TARBP1: variants seen among roughly 807,000 people sequenced by gnomAD.
TARBP1 encodes tRNA guanosine 2 -O-methyltransferase TARBP1, also known as tRNA (guanosine(18)-2'-O)-methyltransferase TARBP1.
TARBP1 carries 144 observed loss-of-function variants against 178.6 expected under a neutral mutation model. That is an observed-to-expected ratio of 0.81 (90% confidence interval 0.70 to 0.93). The LOEUF is 0.93. Among genes scored for constraint, TARBP1 ranks in the 40% least tolerant of loss-of-function variants. The probability of loss-of-function intolerance (pLI) is 0.00; values close to 1 mark genes in which losing one functional copy is unlikely to be tolerated. For missense variants in TARBP1, 2,067 were observed against 2,011.7 expected, an observed-to-expected ratio of 1.03 and a Z score of -0.53; for synonymous variants, 787 against 781.0, an observed-to-expected ratio of 1.01 and a Z score of -0.13.
At chr1:234,425,550 A>T in intron 20 of TARBP1, 123 bp downstream of exon 20, 1 of 1,068,978 alleles carries the variant, frequency 9.4e-7, no homozygotes, top group Non-Finnish European at 1.4e-6. Flanking sequence ...AAAATACAGA[A>T]CATAAACTTT....
At chr1:234,425,877 A>G in intron 19 of TARBP1, 84 bp from the exon 20 acceptor site, 1 of 1,129,870 alleles carries the variant, frequency 8.9e-7, no homozygotes. Flanking sequence ...ATATCATTAC[A>G]CGATCAAAAC....
chr1:234,402,624 G>C (rs1450590507), intron 24 of TARBP1, among the ~76,000 whole-genome samples: 1 of 151,970 alleles, frequency 6.6e-6, no homozygotes, highest in Non-Finnish European at 1.5e-5. Flanking sequence ...TGCCAGGCTG[G>C]AGTGCAGTGG....
chr1:234,423,367 C>T (rs763439955), intron 20 of TARBP1, among the ~76,000 whole-genome samples: 18 of 152,206 alleles, frequency 1.2e-4, no homozygotes, highest in Admixed American at 3.3e-4. Context: ...AACATACAAA[C>T]ATGCTCCAAT....
chr1:234,416,672 T>C (rs2103083029), intron 22 of TARBP1, among the ~76,000 whole-genome samples: 1 of 152,306 alleles, frequency 6.6e-6, no homozygotes, highest in Middle Eastern at 3.4e-3. Flanking sequence ...AACTCCAACC[T>C]GTCTTTGAGG....
intron 9 of TARBP1, among the ~76,000 whole-genome samples, chr1:234,456,083 G>A (rs1667244300): frequency 6.6e-6 from 1 of 152,170 alleles, no homozygotes; most frequent in Non-Finnish European, 1.5e-5. Context: ...GTCATACTTT[G>A]AAACCTCTCT....
chr1:234,471,053 C>T (rs6694349), intron 3 of TARBP1, 135 bp downstream of exon 3: 62,845 of 655,852 alleles, frequency 0.096, 3,957 homozygotes, highest in African/African-American at 0.26. Flanking sequence ...TTGGTGGCAG[C>T]ATTACAAGAT....
chr1:234,465,617 T>C, intron 5 of TARBP1, 39 bp downstream of exon 5: 2 of 1,511,326 alleles, frequency 1.3e-6, no homozygotes, highest in Non-Finnish European at 8.8e-7. Context: ...TAACATGAAA[T>C]GTATGTATCA....
chr1:234,427,827 T>C, intron 17 of TARBP1, 61 bp from the exon 18 acceptor site: 1 of 1,196,336 alleles, frequency 8.4e-7, no homozygotes, highest in Non-Finnish European at 1.1e-6. Context: ...TCAGTGCTGC[T>C]AAAAACTGTT....
chr1:234,440,846 G>A (rs1001165293), intron 12 of TARBP1, among the ~76,000 whole-genome samples: 1 of 152,128 alleles, frequency 6.6e-6, no homozygotes, highest in African/African-American at 2.4e-5. Context: ...TCTATACGCT[G>A]AAAACTGTAA....
At chr1:234,443,221 CA>C (rs917098050) in intron 12 of TARBP1, among the ~76,000 whole-genome samples, 2 of 147,116 alleles carry the variant, frequency 1.4e-5, no homozygotes, top group Non-Finnish European at 3.0e-5. Flanking sequence ...ACCCGGGAGG[CA>C]AAGGTTGCGG....
chr1:234,424,430 A>G (rs1663474650), intron 20 of TARBP1, among the ~76,000 whole-genome samples: 2 of 152,250 alleles, frequency 1.3e-5, no homozygotes, highest in South Asian at 4.1e-4. Flanking sequence ...CTGAATAAAT[A>G]ACGAATTTTC....
In TARBP1 at chr1:234,478,217, G is replaced by C. The variant is rs745725033; in HGVS notation, c.887C>G (p.Ala296Gly). 6.2e-7 allele frequency: 1 copy of C among 1,611,796 alleles called. No homozygotes were observed. The highest frequency in any genetic ancestry group is 1.1e-5 in the South Asian group (1 of 90,936). The change falls in exon 1 of 30, where the codon GCG becomes GGG. Residue 296 changes from alanine to glycine, a missense_variant. Physicochemically the swap from Ala to Gly is moderately conservative, Grantham distance 60. Coordinates refer to ENST00000040877, the MANE Select transcript of TARBP1 (RefSeq NM_005646.4). ...GCAGGTGCAGTCGGCCCCCAGCTCC[G>C]CCGACACCTCCACCGCCCTCTGCAG... ...YLLQRAVEVS[A>G]ELGADCTCGP...
At chr1:234,437,213 C>T in intron 13 of TARBP1, 62 bp downstream of exon 13, 1 of 905,832 alleles carries the variant, frequency 1.1e-6, no homozygotes, top group Admixed American at 2.6e-5. Flanking sequence ...TCAGTAATCA[C>T]TCAAATATTG....
chr1:234,396,848 A>C (rs914614148), intron 26 of TARBP1, among the ~76,000 whole-genome samples: 1 of 151,862 alleles, frequency 6.6e-6, no homozygotes, highest in African/African-American at 2.4e-5. Context: ...GAAGACATGG[A>C]AAGTTTGGAG....
intron 20 of TARBP1, among the ~76,000 whole-genome samples, chr1:234,424,890 C>T (rs906259775): frequency 5.3e-5 from 8 of 152,106 alleles, no homozygotes; most frequent in Non-Finnish European, 1.0e-4. Context: ...GGAGAAACCC[C>T]GTCTCTACTA....
intron 11 of TARBP1, among the ~76,000 whole-genome samples, chr1:234,448,101 G>A (rs565587814): frequency 3.9e-5 from 6 of 152,230 alleles, no homozygotes; most frequent in African/African-American, 1.2e-4. Context: ...ACCACGCCCG[G>A]CTGATTTTTG....
At chr1:234,408,585 A>AG (rs1661498535) in intron 23 of TARBP1, among the ~76,000 whole-genome samples, 1 of 152,056 alleles carries the variant, frequency 6.6e-6, no homozygotes, top group Non-Finnish European at 1.5e-5. Flanking sequence ...TATTTTGCAG[A>AG]CCTGCACTCG....
intron 10 of TARBP1, among the ~76,000 whole-genome samples, chr1:234,449,976 C>G (rs759124288): frequency 3.2e-4 from 49 of 152,312 alleles, no homozygotes; most frequent in Non-Finnish European, 4.9e-4. Flanking sequence ...ACAAAACTAT[C>G]CTTTTAAACA....
Position 234,429,418 on chromosome 1 carries a change from TG to T in TARBP1, c.2868del (p.Lys957SerfsTer3). The T allele has an allele frequency of 6.2e-7, 1 of 1,609,142 alleles. No homozygotes were observed. Among genetic ancestry groups the T allele is most frequent in the Non-Finnish European group, 8.5e-7 (1 of 1,178,300 alleles). ...ATTCATGTTTCACTCTATCTTACCT[TG>T]GGAACCAACACTTTCAAGCAATGGA... is the stretch of plus-strand genomic sequence containing the variant. ...PVFHCLKVLV[P>X]KLLTSSESLC... On this transcript the variant is annotated frameshift_variant, in exon 16 of 30. Coordinates refer to ENST00000040877, the MANE Select transcript of TARBP1 (RefSeq NM_005646.4). LOFTEE classifies it high-confidence loss of function.
Sources: gnomAD v4.1 joint callset for allele counts (sites outside exome capture counted in the v4.1 genomes callset) on GRCh38, gnomAD v4.1.1 for gene constraint, MANE v1.5 for transcripts, NCBI Gene and HGNC (gene_info 2026-07-23, HGNC 2026-07-21) for gene names.